The following SEMA6D variants were observed in gnomAD, a reference collection of about 807,000 sequenced individuals.
SEMA6D encodes semaphorin 6D.
Under a neutral mutation model 106.6 loss-of-function variants are expected in SEMA6D, and 35 were observed. That is an observed-to-expected ratio of 0.33 (90% CI 0.25 to 0.44). The LOEUF (loss-of-function observed/expected upper bound fraction) is 0.44, where lower values mean the gene tolerates loss of function less well. Ranked by LOEUF, SEMA6D falls within the 20% of genes least tolerant of loss-of-function variation. The pLI, the probability that SEMA6D is intolerant of heterozygous loss-of-function variation, is 1.00. For missense variants in SEMA6D, 1,185 were observed against 1,345.9 expected (o/e 0.88, Z 1.87); for synonymous variants, 499 against 487.7 (o/e 1.02, Z -0.31).
chr15:47,758,046 T>C (rs2147585178), intron 1 of SEMA6D, among the ~76,000 whole-genome samples: 1 of 152,352 alleles, frequency 6.6e-6, no homozygotes, highest in Middle Eastern at 3.4e-3. Flanking sequence ...CATACTCTTT[T>C]AACTTTAGTA....
chr15:47,242,350 G>A (rs2032963214), intron 1 of SEMA6D, among the ~76,000 whole-genome samples: 1 of 152,068 alleles, frequency 6.6e-6, no homozygotes, highest in African/African-American at 2.4e-5. Flanking sequence ...TGAAATTACT[G>A]TCAGTAGTTG....
At chr15:47,256,128 G>A (rs1409728587) in intron 1 of SEMA6D, among the ~76,000 whole-genome samples, 1 of 152,170 alleles carries the variant, frequency 6.6e-6, no homozygotes, top group Non-Finnish European at 1.5e-5. Flanking sequence ...ATTGGGTAGA[G>A]TTATTCTTTT....
chr15:47,599,240 A>G lies in SEMA6D; in HGVS notation c.-86-1625A>G, dbSNP rs79564441. ...AAATAAATAGAAGAGGGTCTGAGGT[A>G]ACATCAGAGTAACAGGGGATTAATA... On this transcript the variant is annotated intron_variant, in intron 3 of 19. Transcript: ENST00000558014. Among the ~76,000 whole-genome samples the G allele has an allele frequency of 8.5e-5, 13 of 152,274 alleles. No individual in the cohort carries two copies. In the East Asian group the frequency reaches 2.5e-3, roughly 29 times the overall value.
intron 3 of SEMA6D, among the ~76,000 whole-genome samples, chr15:47,489,302 G>A (rs1345919928): frequency 6.6e-6 from 1 of 152,152 alleles, no homozygotes; most frequent in Non-Finnish European, 1.5e-5. Flanking sequence ...TCAGATTTCT[G>A]GTTTCCACAA....
At chr15:47,322,839 GT>G (rs144817413) in intron 1 of SEMA6D, among the ~76,000 whole-genome samples, 2,221 of 152,146 alleles carry the variant, frequency 0.015, 56 homozygotes, top group African/African-American at 0.052. Context: ...TTATTTTTGT[GT>G]TTTCCTTCCC....
At chr15:47,565,706 T>A (rs2046211268) in intron 3 of SEMA6D, among the ~76,000 whole-genome samples, 1 of 152,244 alleles carries the variant, frequency 6.6e-6, no homozygotes, top group African/African-American at 2.4e-5. Context: ...AAATGTGTAG[T>A]ACATAACATA....
chr15:47,689,269 G>T (rs1362601012), intron 4 of SEMA6D, among the ~76,000 whole-genome samples: 1 of 152,136 alleles, frequency 6.6e-6, no homozygotes, highest in African/African-American at 2.4e-5. Flanking sequence ...TGGATAACTG[G>T]AATATCTCTA....
At chr15:47,641,714 T>C (rs1303224293) in intron 4 of SEMA6D, among the ~76,000 whole-genome samples, 2 of 152,152 alleles carry the variant, frequency 1.3e-5, no homozygotes, top group Non-Finnish European at 2.9e-5. Flanking sequence ...CCTTTACACC[T>C]CTTGCCCTTC....
chr15:47,672,493 A>T (rs1352833144), intron 4 of SEMA6D, among the ~76,000 whole-genome samples: 1 of 152,248 alleles, frequency 6.6e-6, no homozygotes, highest in East Asian at 1.9e-4. Context: ...ATAGGAAGGT[A>T]GGGTTATATC....
intron 1 of SEMA6D, among the ~76,000 whole-genome samples, chr15:47,719,201 G>T (rs1356960042): frequency 1.3e-5 from 2 of 152,114 alleles, no homozygotes; most frequent in African/African-American, 2.4e-5. Context: ...GAATCGCAGC[G>T]TTTGAGGAAC....
intron 1 of SEMA6D, among the ~76,000 whole-genome samples, chr15:47,358,092 CT>C: frequency 6.6e-6 from 1 of 152,166 alleles, no homozygotes; most frequent in East Asian, 1.9e-4. Flanking sequence ...AGAGTTTATT[CT>C]AGACCAGGGC....
At chr15:47,723,813 AG>A (rs1163349453) in intron 1 of SEMA6D, among the ~76,000 whole-genome samples, 1 of 152,220 alleles carries the variant, frequency 6.6e-6, no homozygotes, top group Non-Finnish European at 1.5e-5. Context: ...ATTTACAGGA[AG>A]GAATATGGGT....
chr15:47,586,500 C>T (rs1449525443), intron 3 of SEMA6D, among the ~76,000 whole-genome samples: 2 of 152,164 alleles, frequency 1.3e-5, no homozygotes, highest in Non-Finnish European at 2.9e-5. Context: ...ATCTACTTCT[C>T]AGATTGGCTA....
At chr15:47,263,667 C>T (rs539308835) in intron 1 of SEMA6D, among the ~76,000 whole-genome samples, 50 of 151,966 alleles carry the variant, frequency 3.3e-4, no homozygotes, top group African/African-American at 1.0e-3. Context: ...GGCGATTCCC[C>T]GAAGACTTAA....
Position 47,768,692 on chromosome 15 carries a change from T to C in SEMA6D, c.1877T>C (p.Val626Ala). The C allele has an allele frequency of 6.2e-7, 1 of 1,613,690 alleles. No individual in the cohort carries two copies. Among genetic ancestry groups the C allele is most frequent in the East Asian group, 2.2e-5 (1 of 44,870 alleles). ...CTGACAAGCTCTCGGAAATTTGTAGTTCAAGATGATCCAAACACTTCTGAT... is the reference window on the plus strand; with the variant it reads ...CTGACAAGCTCTCGGAAATTTGTAGCTCAAGATGATCCAAACACTTCTGAT... ...PKLTSSRKFV[V>A]QDDPNTSDFT... Residue 626 changes from valine (V) to alanine (A), a missense_variant, in exon 18 of 19, where the codon GTT becomes GCT. Around this residue, in one of 3 missense-constraint regions of SEMA6D, gnomAD observed 750 missense variants for 783.5 expected, o/e 0.96. Transcript: ENST00000536845.
At chr15:47,695,542 A>G (rs780247209) in intron 4 of SEMA6D, among the ~76,000 whole-genome samples, 6 of 152,120 alleles carry the variant, frequency 3.9e-5, no homozygotes, top group Non-Finnish European at 5.9e-5. Context: ...ATGCACACAC[A>G]CACAACACAC....
chr15:47,474,097 C>A (rs1184135133), intron 3 of SEMA6D, among the ~76,000 whole-genome samples: 1 of 152,176 alleles, frequency 6.6e-6, no homozygotes, highest in Admixed American at 6.5e-5. Context: ...GGAAGGTGGC[C>A]TCTTTTCCCT....
At chr15:47,767,333 C>A in intron 17 of SEMA6D, 1 of 354,696 alleles carries the variant, frequency 2.8e-6, no homozygotes, top group Non-Finnish European at 5.1e-6. Flanking sequence ...AATGGGCTAA[C>A]ATAGACTGCA....
intron 1 of SEMA6D, among the ~76,000 whole-genome samples, chr15:47,759,385 G>A (rs1162109702): frequency 6.6e-6 from 1 of 152,102 alleles, no homozygotes. Context: ...CTGGGGGAAG[G>A]GAAGAGGATT....
Sources: gnomAD v4.1 joint callset for allele counts (sites outside exome capture counted in the v4.1 genomes callset) on GRCh38, gnomAD v4.1.1 for gene constraint, gnomAD v4.1.1 regional missense constraint, MANE v1.5 for transcripts, NCBI Gene and HGNC (gene_info 2026-07-23, HGNC 2026-07-21) for gene names.